GSE1: variants seen among roughly 807,000 people sequenced by gnomAD.
The protein encoded by GSE1 is Gse1 coiled-coil protein.
A neutral mutation model predicts 112.6 loss-of-function variants in GSE1; 32 were observed. The ratio of observed to expected loss-of-function variants is 0.28; its 90% CI spans 0.21 to 0.38. The LOEUF (loss-of-function observed/expected upper bound fraction) is 0.38, where lower values mean the gene tolerates loss of function less well. GSE1 is among the 10% of genes least tolerant of loss of function. The pLI, the probability that GSE1 is intolerant of heterozygous loss-of-function variation, is 1.00. For synonymous variants in GSE1, 1,115 were observed against 735.6 expected, an observed-to-expected ratio of 1.52 and a Z score of -8.35; for missense variants, 2,348 against 1,699.2, an observed-to-expected ratio of 1.38 and a Z score of -6.71.
chr16:85,528,582 C>CT (rs1373914323), intron 2 of GSE1, among the ~76,000 whole-genome samples: 1 of 152,098 alleles, frequency 6.6e-6, no homozygotes, highest in African/African-American at 2.4e-5. Context: ...CCCCAGCCTC[C>CT]TTTTTAAGTG....
intron 2 of GSE1, among the ~76,000 whole-genome samples, chr16:85,539,016 G>A (rs762724957): frequency 3.0e-4 from 46 of 152,208 alleles, no homozygotes; most frequent in Admixed American, 5.2e-4. Flanking sequence ...TGCTCTTCAA[G>A]GCCGGTGCCC....
At chr16:85,634,464 C>T (rs2049819163) in intron 2 of GSE1, among the ~76,000 whole-genome samples, 2 of 152,172 alleles carry the variant, frequency 1.3e-5, no homozygotes, top group Admixed American at 6.5e-5. Context: ...CAGGGGAGCC[C>T]CAAGAGGCTG....
intron 1 of GSE1, among the ~76,000 whole-genome samples, chr16:85,193,397 C>G (rs1414887254): frequency 6.6e-6 from 1 of 152,120 alleles, no homozygotes; most frequent in Non-Finnish European, 1.5e-5. Flanking sequence ...AGTTGGAGTA[C>G]AGTGGCATAT....
At chr16:85,252,323 G>GCGATCACC (rs1555547294) in intron 1 of GSE1, among the ~76,000 whole-genome samples, 1 of 137,310 alleles carries the variant, frequency 7.3e-6, no homozygotes, top group Non-Finnish European at 1.5e-5. Flanking sequence ...ACCTGTCACT[G>GCGATCACC]TAGCTCAGTG....
chr16:85,193,970 C>T (rs909262685), intron 1 of GSE1, among the ~76,000 whole-genome samples: 11 of 151,912 alleles, frequency 7.2e-5, no homozygotes, highest in African/African-American at 9.7e-5. Flanking sequence ...TGTGTGTGTG[C>T]GCGCGCGTGT....
chr16:85,199,112 TTTTTG>T (rs1263075755), intron 1 of GSE1, among the ~76,000 whole-genome samples: 2 of 151,928 alleles, frequency 1.3e-5, no homozygotes, highest in African/African-American at 4.8e-5. Context: ...GCCCAGCTAA[TTTTTG>T]TTTTGTTTTG....
intron 1 of GSE1, among the ~76,000 whole-genome samples, chr16:85,274,099 T>C (rs4483834): frequency 0.34 from 51,487 of 150,844 alleles, 10,329 homozygotes; most frequent in Admixed American, 0.46. Flanking sequence ...AAATGGGCAA[T>C]TGTAGGCTGG....
chr16:85,526,309 G>A (rs1190712449), intron 2 of GSE1, among the ~76,000 whole-genome samples: 2 of 152,266 alleles, frequency 1.3e-5, no homozygotes, highest in Admixed American at 1.3e-4. Flanking sequence ...GTAGTGATGG[G>A]GCGTGCAAGG....
intron 2 of GSE1, among the ~76,000 whole-genome samples, chr16:85,469,766 A>T (rs1015221850): frequency 3.3e-5 from 5 of 152,092 alleles, no homozygotes; most frequent in Non-Finnish European, 7.4e-5. Context: ...GAGGAAGGTC[A>T]TTTTCCCGTC....
At position 85,666,000 on chromosome 16, in the gene GSE1, T is replaced by C. The variant is rs1427566835; in HGVS notation, c.2783T>C (p.Leu928Pro). 6.2e-7 allele frequency: 1 copy of C among 1,613,504 alleles called. No homozygotes were observed. The highest frequency in any genetic ancestry group is 2.2e-5 in the East Asian group (1 of 44,886). The stretch of plus-strand genomic sequence containing the variant: ...GAACCAGCCACGCAGCAAGCCTCTC[T>C]GGATGTGGAGAAGCCGGTTGGTGTT... ...LSEPATQQAS[L>P]DVEKPVGVAA... is the part of the protein sequence containing the mutation. Residue 928 changes from leucine to proline, a missense_variant, in exon 13 of 16, where the codon CTG (leucine) becomes CCG (proline). By Grantham distance (98) the Leu-to-Pro change is moderately conservative. Coordinates refer to ENST00000253458, the MANE Select transcript of GSE1 (RefSeq NM_014615.5).
chr16:85,635,291 C>T (rs1044573526), intron 2 of GSE1, among the ~76,000 whole-genome samples: 10 of 152,272 alleles, frequency 6.6e-5, no homozygotes, highest in Non-Finnish European at 1.5e-4. Flanking sequence ...GGTTTCCGTA[C>T]CACCAGGGGG....
chr16:85,181,638 C>G (rs1312821572), intron 1 of GSE1, among the ~76,000 whole-genome samples: 2 of 152,246 alleles, frequency 1.3e-5, no homozygotes, highest in Non-Finnish European at 2.9e-5. Flanking sequence ...AACCTAGTCT[C>G]CCGCTTCGGG....
chr16:85,492,947 T>C (rs571807002), intron 2 of GSE1, among the ~76,000 whole-genome samples: 1 of 152,234 alleles, frequency 6.6e-6, no homozygotes, highest in Non-Finnish European at 1.5e-5. Context: ...TGTGTTGGGG[T>C]TGGCGATACA....
At chr16:85,314,528 G>C (rs1213171038) in intron 1 of GSE1, among the ~76,000 whole-genome samples, 1 of 152,162 alleles carries the variant, frequency 6.6e-6, no homozygotes, top group East Asian at 1.9e-4. Context: ...ACACGTGTGT[G>C]CACACATGCA....
At chr16:85,572,931 G>A (rs888817879) in intron 1 of GSE1, among the ~76,000 whole-genome samples, 1 of 152,200 alleles carries the variant, frequency 6.6e-6, no homozygotes, top group Non-Finnish European at 1.5e-5. Flanking sequence ...GTGCAGTGGC[G>A]CTGTCTCTGC....
intron 1 of GSE1, among the ~76,000 whole-genome samples, chr16:85,318,091 G>C (rs2046023671): frequency 6.6e-6 from 1 of 152,254 alleles, no homozygotes; most frequent in African/African-American, 2.4e-5. Flanking sequence ...TGGTGGGGCA[G>C]GGACCTGTGC....
chr16:85,450,668 C>G lies in GSE1; in HGVS notation c.2464+93025C>G, dbSNP rs532701513. On this transcript the variant is annotated intron_variant, in intron 2 of 2. Coordinates refer to the GSE1 transcript ENST00000637419. Reference sequence around the variant, plus strand: ...GTTTCACCATCTTGGCCAGGCTGGTCTTGAATTCCTGACCTTGTGATCCAC... The same window carrying G: ...GTTTCACCATCTTGGCCAGGCTGGTGTTGAATTCCTGACCTTGTGATCCAC... Among the ~76,000 whole-genome samples, 805 of 151,714 alleles carry G rather than the reference C, an allele frequency of 5.3e-3. 19 individuals carry two copies. Among genetic ancestry groups the G allele is most frequent in the Admixed American group, 0.029 (438 of 15,268 alleles).
At chr16:85,402,290 C>T (rs1216260337) in intron 2 of GSE1, among the ~76,000 whole-genome samples, 1 of 152,132 alleles carries the variant, frequency 6.6e-6, no homozygotes, top group Admixed American at 6.5e-5. Context: ...GAACCCAAGA[C>T]GCTGAGAAGC....
At chr16:85,500,051 C>G (rs2051309378) in intron 2 of GSE1, among the ~76,000 whole-genome samples, 1 of 152,228 alleles carries the variant, frequency 6.6e-6, no homozygotes, top group African/African-American at 2.4e-5. Context: ...GCAGTAAAAT[C>G]ATGAGACCAC....
Sources: gnomAD v4.1 joint callset for allele counts (sites outside exome capture counted in the v4.1 genomes callset) on GRCh38, gnomAD v4.1.1 for gene constraint, MANE v1.5 for transcripts, NCBI Gene and HGNC (gene_info 2026-07-23, HGNC 2026-07-21) for gene names.